Variants in TSPAN9 observed in about 807,000 individuals in gnomAD.
The protein encoded by TSPAN9 is tetraspanin-9.
In TSPAN9, 16 loss-of-function variants were observed where a neutral mutation model predicts 31.0. The ratio of observed to expected loss-of-function variants is 0.52; its 90% CI spans 0.35 to 0.78. The LOEUF is 0.78. Among genes scored for constraint, TSPAN9 ranks in the 30% least tolerant of loss-of-function variants. The pLI is 0.01. For synonymous variants in TSPAN9, 145 were observed against 121.6 expected (o/e 1.19, Z -1.27); for missense variants, 272 against 312.5 (o/e 0.87, Z 0.98).
intron 3 of TSPAN9, among the ~76,000 whole-genome samples, chr12:3,202,118 C>T (rs1030968397): frequency 2.0e-5 from 3 of 152,198 alleles, no homozygotes; most frequent in African/African-American, 7.2e-5. Flanking sequence ...GCTGTGCGCA[C>T]ATATGTGCAC....
intron 2 of TSPAN9, among the ~76,000 whole-genome samples, chr12:3,125,836 C>A (rs571713093): frequency 2.6e-4 from 40 of 152,272 alleles, no homozygotes; most frequent in African/African-American, 9.4e-4. Context: ...CCAGAGAACA[C>A]TTGTGATCAT....
Position 3,229,072 on chromosome 12 carries a change from A to G in TSPAN9, c.63+27816A>G, listed in dbSNP as rs149012834. Among the ~76,000 whole-genome samples the G allele has an allele frequency of 2.6e-3, 403 of 152,284 alleles. 1 individual carries two copies. The highest frequency in any genetic ancestry group is 9.1e-3 in the African/African-American group (378 of 41,574). On this transcript the variant is annotated intron_variant, in intron 3 of 8. Coordinates refer to ENST00000011898, the MANE Select transcript of TSPAN9 (RefSeq NM_006675.5). ...ATTTCAAGATCCTTCATATAATCAC[A>G]TCTGCAAAGACCCTCTTCCAAATAA...
chr12:3,246,349 A>G (rs1167498097), intron 3 of TSPAN9, among the ~76,000 whole-genome samples: 1 of 152,094 alleles, frequency 6.6e-6, no homozygotes, highest in South Asian at 2.1e-4. Context: ...ACCAATATCC[A>G]AACTCTATCA....
intron 2 of TSPAN9, among the ~76,000 whole-genome samples, chr12:3,167,190 C>T (rs966596407): frequency 1.3e-5 from 2 of 152,166 alleles, no homozygotes; most frequent in Non-Finnish European, 2.9e-5. Context: ...AAGATTCATC[C>T]ACGTAGCTGC....
intron 2 of TSPAN9, among the ~76,000 whole-genome samples, chr12:3,186,509 A>G (rs79736026): frequency 3.3e-5 from 5 of 151,542 alleles, no homozygotes; most frequent in Non-Finnish European, 7.4e-5. Context: ...ACAGAGGACA[A>G]TGTCGCTGGA....
rs143594954 is a variant in TSPAN9, at chr12:3,237,663, C to T, written c.63+36407C>T. On this transcript the variant is annotated intron_variant, in intron 3 of 8. Transcript: ENST00000011898. Reference sequence around the variant, plus strand: ...GGCTGGAATCGAAAACCTGATTGATCTCTCCAGAACAAATGGCAGTTTTAT... The same window carrying T: ...GGCTGGAATCGAAAACCTGATTGATTTCTCCAGAACAAATGGCAGTTTTAT... Among the ~76,000 whole-genome samples the T allele has an allele frequency of 7.2e-5, 11 of 152,312 alleles. No homozygotes were observed. In the East Asian group the frequency reaches 1.9e-3, roughly 27 times the overall value.
At chr12:3,177,160 T>C (rs952745556) in intron 2 of TSPAN9, among the ~76,000 whole-genome samples, 2 of 152,044 alleles carry the variant, frequency 1.3e-5, no homozygotes, top group Non-Finnish European at 2.9e-5. Flanking sequence ...TTTTTTGAGA[T>C]AGAGTCTCGC....
At chr12:3,089,453 C>CCAT in intron 2 of TSPAN9, among the ~76,000 whole-genome samples, 1 of 151,236 alleles carries the variant, frequency 6.6e-6, no homozygotes, top group Non-Finnish European at 1.5e-5. Flanking sequence ...TGTGCCACCA[C>CCAT]GCCTGGCTAA....
intron 2 of TSPAN9, among the ~76,000 whole-genome samples, chr12:3,110,350 C>T (rs1235127102): frequency 6.6e-6 from 1 of 152,190 alleles, no homozygotes; most frequent in African/African-American, 2.4e-5. Flanking sequence ...ACCTAGGATA[C>T]TAATTTACAA....
intron 3 of TSPAN9, among the ~76,000 whole-genome samples, chr12:3,276,309 C>T (rs1862785478): frequency 6.6e-6 from 1 of 152,234 alleles, no homozygotes; most frequent in African/African-American, 2.4e-5. Context: ...CACTCTCCAG[C>T]TCTGGGACCT....
At chr12:3,255,312 C>T (rs1402515352) in intron 3 of TSPAN9, among the ~76,000 whole-genome samples, 1 of 152,214 alleles carries the variant, frequency 6.6e-6, no homozygotes, top group Non-Finnish European at 1.5e-5. Flanking sequence ...GCAGAGGTGG[C>T]CTGAGGAGAC....
chr12:3,167,246 A>G, intron 2 of TSPAN9, among the ~76,000 whole-genome samples: 1 of 152,218 alleles, frequency 6.6e-6, no homozygotes, highest in East Asian at 1.9e-4. Context: ...GAGATATCTC[A>G]CTGTGACTGT....
At chr12:3,166,971 AT>A (rs752725929) in intron 2 of TSPAN9, among the ~76,000 whole-genome samples, 2 of 151,920 alleles carry the variant, frequency 1.3e-5, no homozygotes, top group East Asian at 3.9e-4. Flanking sequence ...TAATTTTTGT[AT>A]TTTTAGTAGA....
chr12:3,266,295 T>C (rs945715781), intron 3 of TSPAN9, among the ~76,000 whole-genome samples: 4 of 152,202 alleles, frequency 2.6e-5, no homozygotes, highest in African/African-American at 9.7e-5. Flanking sequence ...TGAACCTCGC[T>C]ATGCTTGTGT....
At chr12:3,160,647 A>C (rs2098344597) in intron 2 of TSPAN9, among the ~76,000 whole-genome samples, 1 of 152,166 alleles carries the variant, frequency 6.6e-6, no homozygotes, top group Non-Finnish European at 1.5e-5. Context: ...GAGCCATCCT[A>C]GTGAGTGTGA....
rs895390774 is a variant in TSPAN9 at position 3,200,484 on chromosome 12, G to A, written c.-17-693G>A. The A allele has an allele frequency of 3.3e-5, 5 of 152,540 alleles. No individual in the cohort carries two copies. The East Asian group carries it at 9.7e-4, about 29-fold the overall frequency. The allele number at this position is 152,540 out of a possible 1,614,324, so 9.4% of individuals were successfully genotyped here. ...GAGGCGGAGCGCCGGCCAAGTGGTGGGGCTCAGCGCTGGGGCTGGGCTGGG... is the reference window on the plus strand; with the variant it reads ...GAGGCGGAGCGCCGGCCAAGTGGTGAGGCTCAGCGCTGGGGCTGGGCTGGG... On this transcript the variant is annotated intron_variant, in intron 2 of 8. Coordinates refer to ENST00000011898, the MANE Select transcript of TSPAN9 (RefSeq NM_006675.5).
intron 3 of TSPAN9, among the ~76,000 whole-genome samples, chr12:3,235,527 A>G (rs916649994): frequency 1.2e-4 from 18 of 151,994 alleles, no homozygotes; most frequent in Non-Finnish European, 2.5e-4. Flanking sequence ...TGTTTGTGAA[A>G]GTTCCCACTT....
intron 2 of TSPAN9, among the ~76,000 whole-genome samples, chr12:3,121,533 C>CTTTTTTTTTT (rs59376087): frequency 2.2e-5 from 2 of 92,928 alleles, no homozygotes; most frequent in South Asian, 3.8e-4. Context: ...CTAATTAAAA[C>CTTTTTTTTTT]TTTTTTTTTT....
intron 8 of TSPAN9, among the ~76,000 whole-genome samples, chr12:3,282,527 G>A (rs750985954): frequency 6.6e-6 from 1 of 152,184 alleles, no homozygotes; most frequent in Non-Finnish European, 1.5e-5. Flanking sequence ...TCAAGTAGCT[G>A]GGACTACAGG....
Sources: gnomAD v4.1 joint callset for allele counts (sites outside exome capture counted in the v4.1 genomes callset) on GRCh38, gnomAD v4.1.1 for gene constraint, MANE v1.5 for transcripts, NCBI Gene and HGNC (gene_info 2026-07-23, HGNC 2026-07-21) for gene names.